The following C16orf74 variants were observed in gnomAD, a reference collection of about 807,000 sequenced individuals.
The protein encoded by C16orf74 is calcimembrin.
A neutral mutation model predicts 6.5 loss-of-function variants in C16orf74; 10 were observed. The ratio of observed to expected loss-of-function variants is 1.54; its 90% CI spans 0.95 to 2.61. The LOEUF (loss-of-function observed/expected upper bound fraction) is 2.61, where lower values mean the gene tolerates loss of function less well. Ranked by LOEUF, C16orf74 falls within the 30% of genes most tolerant of loss-of-function variation. The pLI, the probability that C16orf74 is intolerant of heterozygous loss-of-function variation, is 0.00. For synonymous variants in C16orf74, 60 were observed against 42.5 expected (o/e 1.41, Z -1.60); for missense variants, 141 against 105.9 (o/e 1.33, Z -1.45).
At chr16:85,716,931 G>A (rs1245570842) in intron 2 of C16orf74, among the ~76,000 whole-genome samples, 1 of 152,176 alleles carries the variant, frequency 6.6e-6, no homozygotes, top group Non-Finnish European at 1.5e-5. Context: ...TGCCTGCCTC[G>A]GGCTATTAAA....
At chr16:85,748,537 G>A (rs879370992) in intron 1 of C16orf74, among the ~76,000 whole-genome samples, 2 of 152,080 alleles carry the variant, frequency 1.3e-5, no homozygotes, top group African/African-American at 4.8e-5. Context: ...GGCGGAGGTT[G>A]CAGTGAGCCG....
chr16:85,711,658 C>T (rs1437269362), intron 2 of C16orf74, among the ~76,000 whole-genome samples: 1 of 150,574 alleles, frequency 6.6e-6, no homozygotes, highest in Non-Finnish European at 1.5e-5. Context: ...TAAACGCAAC[C>T]AAAAACCCTT....
At chr16:85,715,030 G>A (rs961756684) in intron 2 of C16orf74, among the ~76,000 whole-genome samples, 2 of 151,586 alleles carry the variant, frequency 1.3e-5, no homozygotes, top group Admixed American at 6.6e-5. Flanking sequence ...GGTGGCGGGC[G>A]CCTGTAGTCC....
intron 2 of C16orf74, among the ~76,000 whole-genome samples, chr16:85,716,135 C>T (rs1457057538): frequency 6.6e-6 from 1 of 152,078 alleles, no homozygotes; most frequent in African/African-American, 2.4e-5. Flanking sequence ...AAACACCCCA[C>T]GTTTGCATTT....
intron 2 of C16orf74, among the ~76,000 whole-genome samples, chr16:85,731,124 C>T (rs2054183316): frequency 6.6e-6 from 1 of 152,194 alleles, no homozygotes; most frequent in South Asian, 2.1e-4. Context: ...AAGTCCTCTC[C>T]AGAACCCAGC....
At chr16:85,726,287 G>A (rs1367680706) in intron 2 of C16orf74, among the ~76,000 whole-genome samples, 1 of 152,212 alleles carries the variant, frequency 6.6e-6, no homozygotes, top group Non-Finnish European at 1.5e-5. Context: ...GCTGCATCCC[G>A]AGGGCTGAGT....
intron 2 of C16orf74, among the ~76,000 whole-genome samples, chr16:85,733,390 T>A (rs1444116926): frequency 6.6e-6 from 1 of 152,046 alleles, no homozygotes; most frequent in African/African-American, 2.4e-5. Flanking sequence ...TGCCAAGGGC[T>A]GGGGAGGGAA....
chr16:85,738,347 CAG>C (rs1276113084), intron 1 of C16orf74, among the ~76,000 whole-genome samples: 1 of 136,654 alleles, frequency 7.3e-6, no homozygotes, highest in Non-Finnish European at 1.6e-5. Context: ...TTTTTTGAGA[CAG>C]AGTCTCACTC....
chr16:85,721,623 A>G (rs1191443951), intron 2 of C16orf74, among the ~76,000 whole-genome samples: 2 of 152,062 alleles, frequency 1.3e-5, no homozygotes, highest in Admixed American at 1.3e-4. Flanking sequence ...TTCCTCCTCA[A>G]TCTGGCAGCT....
intron 1 of C16orf74, among the ~76,000 whole-genome samples, chr16:85,738,491 AT>A (rs34393375): frequency 2.9e-4 from 42 of 145,498 alleles, no homozygotes; most frequent in Admixed American, 6.8e-4. Context: ...CACCCAGCTA[AT>A]TTTTTTTTTT....
chr16:85,750,999 TGGC>T lies in C16orf74; in HGVS notation c.-95_-93del. On this transcript the variant is annotated 5_prime_UTR_variant, in exon 1 of 4. Transcript: ENST00000284245. ...AGGCCCGCCCGGGCGCTGGTGGTGGTGGCGGCGGCGGTCGGGCTCGGGGGGCCG... is the reference window on the plus strand; with the variant it reads ...AGGCCCGCCCGGGCGCTGGTGGTGGTGGCGGCGGTCGGGCTCGGGGGGCCG... The T allele has an allele frequency of 6.7e-6, 1 of 149,082 alleles. No homozygotes were observed. The highest frequency in any genetic ancestry group is 1.5e-5 in the Non-Finnish European group (1 of 67,150). The allele number at this position is 149,082 out of a possible 1,614,324, so 9.2% of individuals were successfully genotyped here.
At chr16:85,750,170 C>T (rs931502182) in intron 1 of C16orf74, among the ~76,000 whole-genome samples, 13 of 152,200 alleles carry the variant, frequency 8.5e-5, no homozygotes, top group African/African-American at 2.9e-4. Flanking sequence ...AGTGCCTTTG[C>T]CTCGCAGCCT....
intron 2 of C16orf74, among the ~76,000 whole-genome samples, chr16:85,715,246 A>G (rs1411720332): frequency 6.6e-6 from 1 of 151,906 alleles, no homozygotes; most frequent in Non-Finnish European, 1.5e-5. Flanking sequence ...TCACTTGGAG[A>G]GAGGCGCCCC....
intron 2 of C16orf74, among the ~76,000 whole-genome samples, chr16:85,731,005 C>G (rs572904735): frequency 1.7e-3 from 256 of 152,332 alleles, no homozygotes; most frequent in African/African-American, 5.9e-3. Flanking sequence ...GTACCCGTTT[C>G]TTTGTACCTT....
chr16:85,711,538 G>C (rs978157973), intron 2 of C16orf74, among the ~76,000 whole-genome samples: 1 of 149,346 alleles, frequency 6.7e-6, no homozygotes, highest in Non-Finnish European at 1.5e-5. Context: ...CAGGAGAATT[G>C]CTTGAATCCG....
chr16:85,716,896 C>G (rs562794161), intron 2 of C16orf74, among the ~76,000 whole-genome samples: 1 of 152,296 alleles, frequency 6.6e-6, no homozygotes, highest in African/African-American at 2.4e-5. Context: ...TGTGCTAAGG[C>G]CAGAATTGTT....
intron 1 of C16orf74, among the ~76,000 whole-genome samples, chr16:85,741,127 G>GA (rs1567812684): frequency 4.6e-5 from 7 of 152,320 alleles, no homozygotes; most frequent in African/African-American, 1.7e-4. Context: ...GAGAGTCTGC[G>GA]CAATGCCTGG....
intron 2 of C16orf74, among the ~76,000 whole-genome samples, chr16:85,734,027 C>G (rs2054218552): frequency 6.6e-6 from 1 of 152,218 alleles, no homozygotes; most frequent in African/African-American, 2.4e-5. Flanking sequence ...CATCCCGGCT[C>G]CCAGCAGGGG....
In C16orf74 at chr16:85,731,883, G is replaced by A. The variant is rs150347070; in HGVS notation, c.28+3307C>T. 4.1e-3 allele frequency among the ~76,000 whole-genome samples: 630 copies of A among 152,218 alleles called. 3 individuals are homozygous for A. The highest frequency in any genetic ancestry group is 0.017 in the Middle Eastern group (5 of 294). ...TTTTTGTATTTTTTGTAGGGATGGG[G>A]TTTTGCAATGTTGCCCAGACTGGTC... On this transcript the variant is annotated intron_variant, in intron 2 of 3. Transcript: ENST00000284245.
Sources: allele counts gnomAD v4.1 joint callset (sites outside exome capture counted in the v4.1 genomes callset), GRCh38; gene constraint gnomAD v4.1.1; transcripts MANE v1.5; gene names NCBI Gene and HGNC (gene_info 2026-07-23, HGNC 2026-07-21).